The following SYK variants were observed in gnomAD, a reference collection of about 807,000 sequenced individuals.
SYK encodes spleen associated tyrosine kinase.
SYK carries 16 observed loss-of-function variants against 77.8 expected under a neutral mutation model. The ratio of observed to expected loss-of-function variants is 0.21; its 90% CI spans 0.14 to 0.31. The LOEUF (loss-of-function observed/expected upper bound fraction) is 0.31. SYK is among the 10% of genes least tolerant of loss of function. The pLI is 1.00. For synonymous variants in SYK, 312 were observed against 308.7 expected (o/e 1.01, Z -0.11); for missense variants, 529 against 814.4 (o/e 0.65, Z 4.26).
intron 1 of SYK, among the ~76,000 whole-genome samples, chr9:90,824,937 A>G (rs1476686722): frequency 6.6e-6 from 1 of 152,150 alleles, no homozygotes; most frequent in East Asian, 1.9e-4. Context: ...CTTTTTTCAC[A>G]GATAATATGC....
intron 1 of SYK, among the ~76,000 whole-genome samples, chr9:90,808,842 A>G (rs7046173): frequency 6.6e-6 from 1 of 151,954 alleles, no homozygotes; most frequent in Non-Finnish European, 1.5e-5. Context: ...CTGCCTGCAC[A>G]GGGGGACTGT....
chr9:90,818,356 AG>A (rs1403881256), intron 1 of SYK, among the ~76,000 whole-genome samples: 1 of 152,238 alleles, frequency 6.6e-6, no homozygotes, highest in African/African-American at 2.4e-5. Flanking sequence ...TGACCAAAAA[AG>A]TTCCTGGGGC....
At chr9:90,875,018 C>T (rs534559540) in intron 9 of SYK, among the ~76,000 whole-genome samples, 169 bp downstream of exon 9, 2 of 151,982 alleles carry the variant, frequency 1.3e-5, no homozygotes, top group Non-Finnish European at 2.9e-5. Context: ...CCTTTAATGG[C>T]AAAAACTGCA....
At chr9:90,808,512 C>T (rs1464462717) in intron 1 of SYK, among the ~76,000 whole-genome samples, 1 of 147,688 alleles carries the variant, frequency 6.8e-6, no homozygotes, top group Non-Finnish European at 1.5e-5. Context: ...AGGCTGCATT[C>T]TTGCAGCCTG....
At chr9:90,830,581 CTTTTTTT>C (rs57804863) in intron 1 of SYK, among the ~76,000 whole-genome samples, 1 of 111,562 alleles carries the variant, frequency 9.0e-6, no homozygotes, top group African/African-American at 3.9e-5. Flanking sequence ...ACTCATTCCT[CTTTTTTT>C]TTTTTTTTTT....
chr9:90,815,421 G>A (rs946175389), intron 1 of SYK, among the ~76,000 whole-genome samples: 1 of 152,250 alleles, frequency 6.6e-6, no homozygotes, highest in Admixed American at 6.5e-5. Flanking sequence ...AGAGATGTGT[G>A]GTTGGCCTGT....
chr9:90,867,375 C>T (rs1827545422), intron 7 of SYK, among the ~76,000 whole-genome samples, 176 bp downstream of exon 7: 1 of 152,210 alleles, frequency 6.6e-6, no homozygotes, highest in African/African-American at 2.4e-5. Flanking sequence ...GCCCCAGGTA[C>T]ATCATGTGCT....
At chr9:90,830,233 G>A (rs1284201512) in intron 1 of SYK, among the ~76,000 whole-genome samples, 2 of 152,248 alleles carry the variant, frequency 1.3e-5, no homozygotes, top group African/African-American at 4.8e-5. Flanking sequence ...GCAGTGTGAT[G>A]CACAGGCAGG....
intron 7 of SYK, among the ~76,000 whole-genome samples, chr9:90,873,340 G>C (rs1435084547): frequency 6.8e-6 from 1 of 148,046 alleles, no homozygotes; most frequent in African/African-American, 2.5e-5. Context: ...CTCAACTCAC[G>C]CTGAAAAAAA....
intron 3 of SYK, among the ~76,000 whole-genome samples, chr9:90,853,622 C>T (rs1564095790): frequency 6.6e-6 from 1 of 151,544 alleles, no homozygotes; most frequent in Non-Finnish European, 1.5e-5. Flanking sequence ...ATCGCAAGGA[C>T]AAAAAAACAA....
At chr9:90,855,469 G>T (rs952433850) in intron 3 of SYK, among the ~76,000 whole-genome samples, 1 of 152,114 alleles carries the variant, frequency 6.6e-6, no homozygotes, top group Non-Finnish European at 1.5e-5. Flanking sequence ...GCTCTGATTT[G>T]CACACCCCTG....
rs79339554 is a variant in SYK at position 90,830,543 on chromosome 9, C to G, written c.-41-13315C>G. 7.0e-3 allele frequency among the ~76,000 whole-genome samples: 1,061 copies of G among 151,942 alleles called. 14 individuals carry two copies. The highest frequency in any genetic ancestry group is 0.025 in the African/African-American group (1,027 of 41,444). On this transcript the variant is annotated intron_variant, in intron 1 of 13. Transcript: ENST00000375754. ...TTAATCAGCCAGTCCCTGACCAAAC[C>G]AGCAAGATCAATTCTCCCTCTGGTT...
intron 1 of SYK, among the ~76,000 whole-genome samples, chr9:90,807,464 GT>G (rs1824881380): frequency 6.6e-6 from 1 of 152,094 alleles, no homozygotes; most frequent in African/African-American, 2.4e-5. Flanking sequence ...CTCTTCTTTT[GT>G]AAATGGAGCA....
chr9:90,845,646 A>G (rs750927120), intron 3 of SYK, 52 bp downstream of exon 3: 1 of 1,586,256 alleles, frequency 6.3e-7, no homozygotes. Flanking sequence ...TGTGTGGACA[A>G]TTGGGAATAA....
At chr9:90,894,144 T>C (rs1047183465) in intron 13 of SYK, among the ~76,000 whole-genome samples, 6 of 152,222 alleles carry the variant, frequency 3.9e-5, no homozygotes, top group African/African-American at 9.6e-5. Context: ...TTTGTACCAT[T>C]TGGATCCCCA....
At chr9:90,837,235 C>T (rs1055711779) in intron 1 of SYK, among the ~76,000 whole-genome samples, 2 of 152,056 alleles carry the variant, frequency 1.3e-5, no homozygotes, top group African/African-American at 4.8e-5. Context: ...CAAAGAGCAA[C>T]ATGTTTCCAT....
rs1294063009 is a variant in SYK, at chr9:90,884,820, T to TACACATATGTGTGTATATACATATAC, written c.1582-2903_1582-2878dup. Among the ~76,000 whole-genome samples the TACACATATGTGTGTATATACATATAC allele has an allele frequency of 4.5e-4, 42 of 92,388 alleles. 10 individuals are homozygous for TACACATATGTGTGTATATACATATAC. Among genetic ancestry groups the TACACATATGTGTGTATATACATATAC allele is most frequent in the South Asian group, 3.5e-3 (9 of 2,548 alleles). 60.6% of individuals were successfully genotyped at this position (92,388 alleles called of 152,430 possible). On this transcript the variant is annotated intron_variant, in intron 11 of 13. Transcript: ENST00000375754. ...ATACACATATGTGTACATACACATA[T>TACACATATGTGTGTATATACATATAC]ACACATATGTGTGTATATACATATA...
chr9:90,811,168 T>C (rs1436595065), intron 1 of SYK, among the ~76,000 whole-genome samples: 1 of 152,142 alleles, frequency 6.6e-6, no homozygotes, highest in African/African-American at 2.4e-5. Flanking sequence ...CATGATTTCC[T>C]AAAATTTTAA....
chr9:90,869,329 A>G (rs1277346127), intron 7 of SYK, among the ~76,000 whole-genome samples: 1 of 152,224 alleles, frequency 6.6e-6, no homozygotes, highest in East Asian at 1.9e-4. Context: ...TAAAGTATAC[A>G]TTGAATTTTT....
Sources: allele counts gnomAD v4.1 joint callset (sites outside exome capture counted in the v4.1 genomes callset), GRCh38; gene constraint gnomAD v4.1.1; transcripts MANE v1.5; gene names NCBI Gene and HGNC (gene_info 2026-07-23, HGNC 2026-07-21).